The following DGKH variants were observed in gnomAD, a reference collection of about 807,000 sequenced individuals.
DGKH encodes diacylglycerol kinase eta, also known as DAG kinase eta.
DGKH carries 90 observed loss-of-function variants against 159.3 expected under a neutral mutation model. The observed-to-expected ratio is 0.57, with a 90% CI of 0.48 to 0.67. DGKH has a LOEUF of 0.67. DGKH is among the 30% of genes least tolerant of loss of function. The pLI is 0.00. For missense variants in DGKH, 1,181 were observed against 1,506.1 expected, an observed-to-expected ratio of 0.78 and a Z score of 3.57; for synonymous variants, 536 against 553.8, an observed-to-expected ratio of 0.97 and a Z score of 0.45.
chr13:42,104,277 C>A (rs528450216), intron 1 of DGKH, among the ~76,000 whole-genome samples: 3 of 152,210 alleles, frequency 2.0e-5, no homozygotes, highest in Admixed American at 6.5e-5. Flanking sequence ...ATTTCTCCCC[C>A]CCAGGGAATT....
chr13:42,232,349 A>G lies in DGKH; in HGVS notation c.*3161A>G, dbSNP rs1402230945. 6.6e-6 allele frequency: 1 copy of G among 152,296 alleles called. No homozygotes were observed. The highest frequency in any genetic ancestry group is 1.5e-5 in the Non-Finnish European group (1 of 68,082). 9.4% of individuals were successfully genotyped at this position (152,296 alleles called of 1,614,324 possible). A position where few individuals can be genotyped will look rare whatever the true frequency, so the allele number is the denominator to read the frequency against. The stretch of plus-strand genomic sequence containing the variant: ...CATCAGCCAGAATGTATTTTCTTTC[A>G]GTTCCATTTCCTGAGGAAGAACTTG... On this transcript the variant is annotated 3_prime_UTR_variant, in exon 30 of 30. Transcript: ENST00000337343.
intron 2 of DGKH, among the ~76,000 whole-genome samples, chr13:42,128,575 C>T (rs1170155): frequency 0.64 from 96,981 of 151,920 alleles, 31,402 homozygotes; most frequent in African/African-American, 0.72. Flanking sequence ...CCTTTTCCAT[C>T]TGCACTTGAC....
Position 42,240,422 on chromosome 13 carries a change from A to T in DGKH, c.*11234A>T, listed in dbSNP as rs1008795340. On this transcript the variant is annotated 3_prime_UTR_variant, in exon 30 of 30. Transcript: ENST00000337343. ...CTTCTAAAATTTTCACATAACTGCC[A>T]AACTCTTATTTGTAATTCTTAAATA... is the stretch of plus-strand genomic sequence containing the variant. 3 of 152,244 alleles carry T rather than the reference A, an allele frequency of 2.0e-5. No individual in the cohort carries two copies. The highest frequency in any genetic ancestry group is 4.4e-5 in the Non-Finnish European group (3 of 68,042). 9.4% of individuals were successfully genotyped at this position (152,244 alleles called of 1,614,324 possible).
intron 3 of DGKH, among the ~76,000 whole-genome samples, chr13:42,135,531 A>T (rs1229133913): frequency 6.6e-6 from 1 of 150,620 alleles, no homozygotes; most frequent in Non-Finnish European, 1.5e-5. Context: ...AAAAGAAAAA[A>T]AATAATAATT....
At chr13:42,070,500 A>C in intron 1 of DGKH, 1 of 1,284,470 alleles carries the variant, frequency 7.8e-7, no homozygotes, top group Admixed American at 1.7e-5. Flanking sequence ...AGACATGGAG[A>C]TCTGTACCAT....
At chr13:42,115,777 C>G (rs897806112) in intron 1 of DGKH, among the ~76,000 whole-genome samples, 3 of 152,128 alleles carry the variant, frequency 2.0e-5, no homozygotes, top group African/African-American at 7.2e-5. Flanking sequence ...GTGATGGGTA[C>G]ACCTTGAACA....
intron 11 of DGKH, among the ~76,000 whole-genome samples, chr13:42,171,265 A>C (rs1166685030): frequency 6.6e-6 from 1 of 152,170 alleles, no homozygotes; most frequent in Non-Finnish European, 1.5e-5. Context: ...ATCTAAGTTA[A>C]ATAGCTAATA....
At chr13:42,192,566 C>T (rs547900204) in intron 16 of DGKH, among the ~76,000 whole-genome samples, 1 of 143,906 alleles carries the variant, frequency 6.9e-6, no homozygotes, top group South Asian at 2.3e-4. Flanking sequence ...TCCCTTCCTC[C>T]TCCTCCTCCT....
chr13:42,208,091 G>A (rs1957551872), intron 21 of DGKH, among the ~76,000 whole-genome samples: 1 of 152,064 alleles, frequency 6.6e-6, no homozygotes, highest in East Asian at 1.9e-4. Flanking sequence ...GATTTTTACT[G>A]CTGAAGAATC....
rs989316799 is a variant in DGKH, at chr13:42,214,401, T to C, written c.3015-106T>C. ...CATTAAAAGTGTTCTTCCATACTGATCTTCATATATTTTTTACTTGTTTTA... is the reference window on the plus strand; with the variant it reads ...CATTAAAAGTGTTCTTCCATACTGACCTTCATATATTTTTTACTTGTTTTA... On this transcript the variant is annotated intron_variant, in intron 24 of 29. Transcript: ENST00000337343. 2.6e-5 allele frequency: 27 copies of C among 1,024,594 alleles called. No individual in the cohort carries two copies. The African/African-American group carries it at 2.9e-4, about 11-fold the overall frequency. 63.5% of individuals were successfully genotyped at this position (1,024,594 alleles called of 1,614,324 possible). A position where few individuals can be genotyped will look rare whatever the true frequency, so the allele number is the denominator to read the frequency against.
intron 1 of DGKH, chr13:42,069,515 A>T: frequency 6.3e-7 from 1 of 1,590,862 alleles, no homozygotes; most frequent in Non-Finnish European, 8.6e-7. Flanking sequence ...AAGGAATGAA[A>T]ATCAAATCCC....
chr13:42,252,504 C>A (rs9533051), intron 30 of DGKH: 25,499 of 152,386 alleles, frequency 0.17, 2,254 homozygotes, highest in South Asian at 0.21. Flanking sequence ...AGACTCCACA[C>A]GGCCTATATC....
At position 42,159,321 on chromosome 13, in the gene DGKH, A is replaced by G; in HGVS notation, c.678A>G (p.Lys226=). Residue 226 remains lysine (K), a synonymous_variant, in exon 6 of 30, where the codon AAA becomes AAG. Coordinates refer to ENST00000337343, the MANE Select transcript of DGKH (RefSeq NM_178009.5). ...RCAVRATNNC[K]WTTLASIGKD... ...CAGTGAGAGCAACAAATAACTGTAA[A>G]TGGACTACCCTGGCCTCCATCGGGA... 6.2e-7 allele frequency: 1 copy of G among 1,601,792 alleles called. No homozygotes were observed.
At chr13:42,073,528 T>C (rs1883111571) in intron 1 of DGKH, among the ~76,000 whole-genome samples, 1 of 152,200 alleles carries the variant, frequency 6.6e-6, no homozygotes, top group South Asian at 2.1e-4. Flanking sequence ...TATCCAACAC[T>C]GTATTATAAA....
chr13:42,148,908 ACTTGGC>A (rs1441503231), intron 3 of DGKH, among the ~76,000 whole-genome samples: 2 of 146,352 alleles, frequency 1.4e-5, no homozygotes, highest in African/African-American at 5.1e-5. Flanking sequence ...AGGAAACCTT[ACTTGGC>A]CTTCCCACCC....
At position 42,219,308 on chromosome 13, in the gene DGKH, A is replaced by T; in HGVS notation, c.3292A>T (p.Ile1098Phe). 6.2e-7 allele frequency: 1 copy of T among 1,613,990 alleles called. No individual in the cohort carries two copies. The highest frequency in any genetic ancestry group is 8.5e-7 in the Non-Finnish European group (1 of 1,179,908). ...GGTGGAATTACAGAAACTGACAGAG[A>T]TTCCTTGGCTTTATTATATCTTACA... ...VEVELQKLTEIPWLYYILHPN... is the reference protein window; with the variant it reads ...VEVELQKLTEFPWLYYILHPN... The change falls in exon 27 of 30, where the codon ATT (isoleucine) becomes TTT (phenylalanine). Residue 1098 changes from isoleucine (I) to phenylalanine (F), a missense_variant. Coordinates refer to ENST00000337343, the MANE Select transcript of DGKH (RefSeq NM_178009.5).
In DGKH at chr13:42,189,395, A is replaced by G. The variant is rs533616055; in HGVS notation, c.1912+86A>G. ...GGAGTTTCCATAGTGGTCAGATTGG[A>G]CACACTTTTTAAAAATAAAATTTTT... On this transcript the variant is annotated intron_variant, in intron 15 of 29. Transcript: ENST00000337343. The G allele has an allele frequency of 6.5e-6, 10 of 1,532,004 alleles. No individual in the cohort carries two copies. In the Admixed American group the frequency reaches 1.5e-4, roughly 23 times the overall value. 94.9% of individuals were successfully genotyped at this position (1,532,004 alleles called of 1,614,324 possible).
intron 20 of DGKH, among the ~76,000 whole-genome samples, chr13:42,205,047 A>C (rs755826428): frequency 6.6e-6 from 1 of 152,168 alleles, no homozygotes; most frequent in Non-Finnish European, 1.5e-5. Context: ...TTAAGAAGCT[A>C]TGTTAATTAT....
intron 1 of DGKH, among the ~76,000 whole-genome samples, chr13:42,095,630 CAAAGG>C (rs1287377127): frequency 6.6e-6 from 1 of 152,118 alleles, no homozygotes; most frequent in East Asian, 1.9e-4. Flanking sequence ...CAAAGAAAAG[CAAAGG>C]AAACTCGTTC....
Sources: gnomAD v4.1 joint callset for allele counts (sites outside exome capture counted in the v4.1 genomes callset) on GRCh38, gnomAD v4.1.1 for gene constraint, MANE v1.5 for transcripts, NCBI Gene and HGNC (gene_info 2026-07-23, HGNC 2026-07-21) for gene names.